The following GRID2 variants were observed in gnomAD, a reference collection of about 807,000 sequenced individuals.
GRID2 encodes glutamate ionotropic receptor delta type subunit 2, also known as glutamate receptor ionotropic, delta-2.
A neutral mutation model predicts 114.8 loss-of-function variants in GRID2; 33 were observed. The observed-to-expected ratio is 0.29, with a 90% CI of 0.22 to 0.38. GRID2 has a LOEUF of 0.38. Among genes scored for constraint, GRID2 ranks in the 10% least tolerant of loss-of-function variants. GRID2 has a pLI of 1.00. For missense variants in GRID2, 1,184 were observed against 1,257.7 expected (o/e 0.94, Z 0.89); for synonymous variants, 505 against 449.9 (o/e 1.12, Z -1.55).
At chr4:93,019,261 C>T (rs1723052357) in intron 2 of GRID2, among the ~76,000 whole-genome samples, 1 of 152,162 alleles carries the variant, frequency 6.6e-6, no homozygotes, top group East Asian at 1.9e-4. Context: ...AGATGACAGT[C>T]TTACAGCCAA....
intron 4 of GRID2, among the ~76,000 whole-genome samples, chr4:93,199,437 T>TG (rs1447616394): frequency 6.6e-6 from 1 of 152,204 alleles, no homozygotes; most frequent in Non-Finnish European, 1.5e-5. Context: ...AGCACAGTGT[T>TG]GGCTAAGTCT....
intron 8 of GRID2, among the ~76,000 whole-genome samples, chr4:93,339,781 G>A (rs186917539): frequency 1.0e-3 from 153 of 152,198 alleles, no homozygotes; most frequent in Middle Eastern, 6.8e-3. Context: ...CAGCATGGCT[G>A]GGGAGGCCTC....
intron 13 of GRID2, among the ~76,000 whole-genome samples, chr4:93,595,016 G>T (rs1257420289): frequency 1.3e-5 from 2 of 152,282 alleles, no homozygotes; most frequent in Admixed American, 6.5e-5. Flanking sequence ...CCCATCTTCT[G>T]CATCGCTCAG....
intron 8 of GRID2, among the ~76,000 whole-genome samples, chr4:93,389,231 T>C (rs1764616482): frequency 6.6e-6 from 1 of 152,134 alleles, no homozygotes; most frequent in African/African-American, 2.4e-5. Context: ...TCTTAAAATG[T>C]CTCAAGGTAG....
intron 13 of GRID2, among the ~76,000 whole-genome samples, chr4:93,530,843 T>A (rs1049786155): frequency 2.6e-5 from 4 of 152,144 alleles, no homozygotes; most frequent in African/African-American, 9.6e-5. Flanking sequence ...ATTCATGAAT[T>A]TAGATCCCAA....
chr4:92,882,239 C>T (rs367970936), intron 2 of GRID2, among the ~76,000 whole-genome samples: 2 of 152,224 alleles, frequency 1.3e-5, no homozygotes, highest in East Asian at 1.9e-4. Context: ...AAGCTGTGAA[C>T]GCTGCAATAT....
At chr4:93,075,532 T>C (rs1213897425) in intron 2 of GRID2, among the ~76,000 whole-genome samples, 5 of 152,144 alleles carry the variant, frequency 3.3e-5, no homozygotes, top group African/African-American at 1.2e-4. Context: ...AGAAGTAAAA[T>C]TGCCTTTATT....
chr4:92,907,205 A>G (rs1748023774), intron 2 of GRID2, among the ~76,000 whole-genome samples: 1 of 152,176 alleles, frequency 6.6e-6, no homozygotes, highest in South Asian at 2.1e-4. Context: ...AAAAATTAAG[A>G]CAAGTACAAG....
intron 12 of GRID2, among the ~76,000 whole-genome samples, chr4:93,514,966 A>G (rs1216947467): frequency 1.3e-5 from 2 of 152,180 alleles, no homozygotes; most frequent in East Asian, 1.9e-4. Context: ...AAAGCATTGC[A>G]TTACCACTAG....
intron 1 of GRID2, among the ~76,000 whole-genome samples, chr4:92,454,299 G>T (rs1721096839): frequency 6.6e-6 from 1 of 152,074 alleles, no homozygotes; most frequent in Admixed American, 6.6e-5. Context: ...AGAATACAGA[G>T]AAAAGTACTT....
At chr4:92,757,847 T>TA (rs35356936) in intron 2 of GRID2, among the ~76,000 whole-genome samples, 4,084 of 142,760 alleles carry the variant, frequency 0.029, 108 homozygotes, top group East Asian at 0.13. Context: ...AAAACGATGT[T>TA]AAAAAAAAAA....
At chr4:93,086,770 G>A (rs1477002235) in intron 3 of GRID2, among the ~76,000 whole-genome samples, 5 of 152,092 alleles carry the variant, frequency 3.3e-5, no homozygotes, top group Non-Finnish European at 7.4e-5. Flanking sequence ...CTCAACACAA[G>A]CCTGAAATTC....
At chr4:93,346,315 T>C (rs1218941669) in intron 8 of GRID2, among the ~76,000 whole-genome samples, 1 of 152,104 alleles carries the variant, frequency 6.6e-6, no homozygotes, top group Non-Finnish European at 1.5e-5. Context: ...TACTATTACA[T>C]TTTTAGAAAT....
At chr4:92,983,913 AAACTT>A (rs1754360568) in intron 2 of GRID2, among the ~76,000 whole-genome samples, 1 of 152,130 alleles carries the variant, frequency 6.6e-6, no homozygotes, top group Admixed American at 6.6e-5. Flanking sequence ...AAACAAAACT[AAACTT>A]GAAGAAAGAA....
intron 14 of GRID2, among the ~76,000 whole-genome samples, chr4:93,648,716 C>G (rs955337871): frequency 6.6e-6 from 1 of 152,160 alleles, no homozygotes; most frequent in Non-Finnish European, 1.5e-5. Context: ...CTAACAAGTT[C>G]CAGGTGATGC....
intron 8 of GRID2, among the ~76,000 whole-genome samples, chr4:93,390,852 T>C (rs1034927256): frequency 6.6e-6 from 1 of 152,036 alleles, no homozygotes; most frequent in Non-Finnish European, 1.5e-5. Context: ...TATTTGTATA[T>C]ATATGTGTGT....
intron 8 of GRID2, among the ~76,000 whole-genome samples, chr4:93,332,593 C>A (rs918241514): frequency 6.6e-6 from 1 of 151,956 alleles, no homozygotes; most frequent in African/African-American, 2.4e-5. Flanking sequence ...GAGAGCTGTT[C>A]ATAAAGAAAT....
chr4:92,685,590 T>C (rs1401405964), intron 2 of GRID2, among the ~76,000 whole-genome samples: 1 of 152,104 alleles, frequency 6.6e-6, no homozygotes, highest in Non-Finnish European at 1.5e-5. Flanking sequence ...GTAATGAATT[T>C]TTAACTATCT....
chr4:92,305,999 C>T (rs1725383269), intron 1 of GRID2, among the ~76,000 whole-genome samples: 1 of 152,124 alleles, frequency 6.6e-6, no homozygotes, highest in Non-Finnish European at 1.5e-5. Context: ...CTTTCTGTAC[C>T]CCTGCTTCTC....
Sources: allele counts gnomAD v4.1 joint callset (sites outside exome capture counted in the v4.1 genomes callset), GRCh38; gene constraint gnomAD v4.1.1; transcripts MANE v1.5; gene names NCBI Gene and HGNC (gene_info 2026-07-23, HGNC 2026-07-21).